The following SPATS1 variants were observed in gnomAD, a reference collection of about 807,000 sequenced individuals.
SPATS1 encodes spermatogenesis-associated serine-rich protein 1.
SPATS1 carries 23 observed loss-of-function variants against 33.6 expected under a neutral mutation model. That is an observed-to-expected ratio of 0.68 (90% CI 0.49 to 0.97). The LOEUF (loss-of-function observed/expected upper bound fraction) is 0.97, where lower values mean the gene tolerates loss of function less well. Among genes scored for constraint, SPATS1 ranks in the 50% least tolerant of loss-of-function variants. The probability of loss-of-function intolerance (pLI) is 0.00; values close to 1 mark genes in which losing one functional copy is unlikely to be tolerated. For missense variants in SPATS1, 327 were observed against 361.0 expected, an observed-to-expected ratio of 0.91 and a Z score of 0.76; for synonymous variants, 131 against 125.6, an observed-to-expected ratio of 1.04 and a Z score of -0.29.
chr6:44,352,838 G>A lies in SPATS1; in HGVS notation c.252G>A (p.Glu84=), dbSNP rs1788322753. ...TGGAAACAGGCCCAAGTGTCAGTGAGCCTCCTGGCCTCCCCAGAGTGTCTG... is the reference window on the plus strand; with the variant it reads ...TGGAAACAGGCCCAAGTGTCAGTGAACCTCCTGGCCTCCCCAGAGTGTCTG... ...SSVETGPSVS[E]PPGLPRVSAY... The change falls in exon 3 of 9, where the codon GAG becomes GAA. Residue 84 remains glutamate (E), a synonymous_variant. Coordinates refer to ENST00000674044, the MANE Select transcript of SPATS1 (RefSeq NM_001372081.1). 1 of 1,614,148 alleles carries A rather than the reference G, an allele frequency of 6.2e-7. No individual in the cohort carries two copies. Among genetic ancestry groups the A allele is most frequent in the Middle Eastern group, 1.6e-4 (1 of 6,062 alleles).
At chr6:44,351,302 A>C (rs949526817) in intron 2 of SPATS1, among the ~76,000 whole-genome samples, 55 of 152,260 alleles carry the variant, frequency 3.6e-4, no homozygotes, top group African/African-American at 1.1e-3. Flanking sequence ...TTATATTCGA[A>C]TACTACACTG....
At chr6:44,375,392 T>C (rs1044142501) in intron 7 of SPATS1, among the ~76,000 whole-genome samples, 2 of 152,186 alleles carry the variant, frequency 1.3e-5, no homozygotes, top group Admixed American at 1.3e-4. Flanking sequence ...ACAGGAGCTG[T>C]GGCACTGCCA....
chr6:44,355,724 A>G (rs1217501309), intron 3 of SPATS1, among the ~76,000 whole-genome samples: 1 of 152,206 alleles, frequency 6.6e-6, no homozygotes, highest in Non-Finnish European at 1.5e-5. Context: ...ATCTGCTCCA[A>G]GTGGACTTGC....
At chr6:44,375,203 TAAGGA>T in intron 7 of SPATS1, among the ~76,000 whole-genome samples, 1 of 152,144 alleles carries the variant, frequency 6.6e-6, no homozygotes, top group Non-Finnish European at 1.5e-5. Flanking sequence ...GAAGACAGCT[TAAGGA>T]AAGGGACTAT....
chr6:44,354,664 G>A (rs939660958), intron 3 of SPATS1, among the ~76,000 whole-genome samples: 1 of 152,228 alleles, frequency 6.6e-6, no homozygotes, highest in Admixed American at 6.5e-5. Context: ...CTGCACCAGA[G>A]TGGGACATTT....
chr6:44,359,874 C>A (rs991774625), intron 3 of SPATS1, among the ~76,000 whole-genome samples: 1 of 152,096 alleles, frequency 6.6e-6, no homozygotes, highest in African/African-American at 2.4e-5. Flanking sequence ...CCAGCCACTT[C>A]ATTCCTTTTT....
chr6:44,348,489 C>T (rs1340578073), intron 2 of SPATS1, among the ~76,000 whole-genome samples: 1 of 151,320 alleles, frequency 6.6e-6, no homozygotes, highest in Non-Finnish European at 1.5e-5. Flanking sequence ...GACAACTTGG[C>T]TCATTCATTT....
intron 6 of SPATS1, among the ~76,000 whole-genome samples, chr6:44,369,593 C>T (rs1789472930): frequency 6.6e-6 from 1 of 152,040 alleles, no homozygotes; most frequent in African/African-American, 2.4e-5. Flanking sequence ...ATCTGTGGGC[C>T]AGGCACAGTG....
At chr6:44,343,060 G>C in intron 1 of SPATS1, 36 bp from the exon 2 acceptor site, 1 of 1,611,984 alleles carries the variant, frequency 6.2e-7, no homozygotes. Flanking sequence ...TTTGTCTCTG[G>C]GTTGCTTCTA....
At chr6:44,355,346 A>T (rs923829374) in intron 3 of SPATS1, among the ~76,000 whole-genome samples, 4 of 152,100 alleles carry the variant, frequency 2.6e-5, no homozygotes, top group Non-Finnish European at 5.9e-5. Flanking sequence ...TCATTTTTTC[A>T]TTGCTGAAGA....
At chr6:44,369,508 G>C (rs1280799876) in intron 6 of SPATS1, among the ~76,000 whole-genome samples, 1 of 151,658 alleles carries the variant, frequency 6.6e-6, no homozygotes, top group Admixed American at 6.6e-5. Context: ...CGAGATTGCA[G>C]CGCCACACTC....
At chr6:44,354,541 G>A (rs977944333) in intron 3 of SPATS1, among the ~76,000 whole-genome samples, 4 of 151,466 alleles carry the variant, frequency 2.6e-5, no homozygotes, top group Non-Finnish European at 5.9e-5. Flanking sequence ...ATTTATTAAG[G>A]GTTTTACTAT....
intron 2 of SPATS1, among the ~76,000 whole-genome samples, chr6:44,348,129 C>T (rs1482052221): frequency 6.6e-6 from 1 of 151,932 alleles, no homozygotes; most frequent in South Asian, 2.1e-4. Flanking sequence ...CTGCCTCAGC[C>T]TCCTGAGTAA....
chr6:44,364,623 C>A (rs1443081116), intron 5 of SPATS1, among the ~76,000 whole-genome samples: 1 of 151,998 alleles, frequency 6.6e-6, no homozygotes, highest in East Asian at 1.9e-4. Context: ...GGTCTTTTTC[C>A]ATTTCTTCTC....
chr6:44,354,419 A>G (rs553600701), intron 3 of SPATS1, among the ~76,000 whole-genome samples: 1 of 152,204 alleles, frequency 6.6e-6, no homozygotes, highest in African/African-American at 2.4e-5. Context: ...ACATTTTGAT[A>G]TTAGTTTTTT....
At chr6:44,369,965 A>T in intron 6 of SPATS1, 86 bp from the exon 7 acceptor site, 1 of 833,280 alleles carries the variant, frequency 1.2e-6, no homozygotes, top group Non-Finnish European at 1.8e-6. Flanking sequence ...ATCGGAAAAC[A>T]GGACATTCTA....
rs546009547 is a variant in SPATS1 at position 44,368,248 on chromosome 6, T to C, written c.575-131T>C. The C allele has an allele frequency of 8.3e-6, 8 of 959,704 alleles. No homozygotes were observed. In the South Asian group the frequency reaches 2.0e-4, roughly 24 times the overall value. 59.4% of individuals were successfully genotyped at this position (959,704 alleles called of 1,614,324 possible). A position where few individuals can be genotyped will look rare whatever the true frequency, so the allele number is the denominator to read the frequency against. ...AGGCAAGATAATCACAAACAGAACT[T>C]TGAGAAACTTCTATGTAATTTATAA... On this transcript the variant is annotated intron_variant, in intron 5 of 8. Transcript: ENST00000674044.
At chr6:44,355,183 C>G (rs1161189221) in intron 3 of SPATS1, among the ~76,000 whole-genome samples, 1 of 152,030 alleles carries the variant, frequency 6.6e-6, no homozygotes, top group South Asian at 2.1e-4. Context: ...CCTCCCACCC[C>G]CTGGCAACCG....
chr6:44,379,935 C>T lies in SPATS1; in HGVS notation c.*2872C>T, dbSNP rs1040320014. 3.3e-5 allele frequency among the ~76,000 whole-genome samples: 5 copies of T among 152,038 alleles called. No individual in the cohort carries two copies. Among genetic ancestry groups the T allele is most frequent in the Admixed American group, 3.3e-4 (5 of 15,244 alleles). ...CTGTGGGTACATCTCGATGCCCAGG[C>T]CTTATTCCACGGCACCTCAATAGCT... On this transcript the variant is annotated 3_prime_UTR_variant, in exon 9 of 9. Transcript: ENST00000674044.
Sources: gnomAD v4.1 joint callset for allele counts (sites outside exome capture counted in the v4.1 genomes callset) on GRCh38, gnomAD v4.1.1 for gene constraint, MANE v1.5 for transcripts, NCBI Gene and HGNC (gene_info 2026-07-23, HGNC 2026-07-21) for gene names.